KCNN2: variants seen among roughly 807,000 people sequenced by gnomAD.
The protein encoded by KCNN2 is potassium calcium-activated channel subfamily N member 2, also known as small conductance calcium-activated potassium channel protein 2.
KCNN2 carries 24 observed loss-of-function variants against 55.5 expected under a neutral mutation model. That is an observed-to-expected ratio of 0.43 (90% confidence interval 0.31 to 0.61). The LOEUF (loss-of-function observed/expected upper bound fraction) is 0.61, where lower values mean the gene tolerates loss of function less well. KCNN2 is among the 20% of genes least tolerant of loss of function. The pLI is 0.08. For synonymous variants in KCNN2, 431 were observed against 336.1 expected (o/e 1.28, Z -3.09); for missense variants, 754 against 853.6 (o/e 0.88, Z 1.45).
intron 1 of KCNN2, among the ~76,000 whole-genome samples, chr5:114,058,771 G>A (rs1332512294): frequency 6.6e-6 from 1 of 152,176 alleles, no homozygotes; most frequent in Non-Finnish European, 1.5e-5. Flanking sequence ...GTTTTAAGCA[G>A]TGAAGAGATG....
intron 2 of KCNN2, among the ~76,000 whole-genome samples, chr5:114,387,782 T>TCTCTGACA (rs1271242993): frequency 1.3e-5 from 2 of 152,210 alleles, no homozygotes; most frequent in Admixed American, 6.5e-5. Flanking sequence ...GAGACTAGAC[T>TCTCTGACA]CTCTGACATT....
chr5:114,237,282 A>ACT (rs1754519957), intron 2 of KCNN2, among the ~76,000 whole-genome samples: 1 of 150,808 alleles, frequency 6.6e-6, no homozygotes, highest in Admixed American at 6.6e-5. Context: ...ACACACACAC[A>ACT]CACACACACT....
intron 3 of KCNN2, among the ~76,000 whole-genome samples, chr5:114,426,957 A>G (rs1367438662): frequency 3.9e-5 from 6 of 152,224 alleles, no homozygotes; most frequent in Admixed American, 2.0e-4. Context: ...CACAGCGGAA[A>G]GGAAAGTTTC....
At chr5:114,096,327 A>C (rs1432336484) in intron 1 of KCNN2, among the ~76,000 whole-genome samples, 1 of 152,202 alleles carries the variant, frequency 6.6e-6, no homozygotes, top group Non-Finnish European at 1.5e-5. Flanking sequence ...GAGGTTAAAG[A>C]CAGTTAAAAC....
intron 5 of KCNN2, among the ~76,000 whole-genome samples, chr5:114,474,925 A>G (rs895384050): frequency 2.0e-5 from 3 of 152,138 alleles, no homozygotes; most frequent in Non-Finnish European, 4.4e-5. Context: ...ACAAATAAGA[A>G]AGCCAAGTTA....
chr5:114,095,036 C>G (rs1400211112), intron 1 of KCNN2, among the ~76,000 whole-genome samples: 1 of 152,094 alleles, frequency 6.6e-6, no homozygotes, highest in Non-Finnish European at 1.5e-5. Flanking sequence ...TGCATGAGGC[C>G]TGATTCCAGC....
chr5:114,352,204 T>C (rs1172109808), intron 2 of KCNN2, among the ~76,000 whole-genome samples: 1 of 151,780 alleles, frequency 6.6e-6, no homozygotes, highest in Admixed American at 6.6e-5. Context: ...TTTGTTGGCA[T>C]ATACTTGTTT....
rs770905252 is a variant in KCNN2, at chr5:114,335,996, C to G, written c.-184-24949C>G. 5.3e-5 allele frequency among the ~76,000 whole-genome samples: 8 copies of G among 152,264 alleles called. No individual in the cohort carries two copies. The East Asian group carries it at 1.5e-3, about 29-fold the overall frequency. ...TTATATTCCTAATATTACTGTCAAG[C>G]TACTCCCTGAAAAACTAAATGATGA... On this transcript the variant is annotated intron_variant, in intron 2 of 10. Coordinates refer to the KCNN2 transcript ENST00000512097.
At chr5:114,312,416 CACACACACACACACACACATATATATAT>C (rs1474930997) in intron 2 of KCNN2, among the ~76,000 whole-genome samples, 24 of 77,206 alleles carry the variant, frequency 3.1e-4, no homozygotes, top group East Asian at 1.1e-3. Flanking sequence ...CACACACACA[CACACACACACACACACACATATATATAT>C]ATATATATAT....
At chr5:114,304,082 A>T (rs1170730568) in intron 2 of KCNN2, among the ~76,000 whole-genome samples, 1 of 152,184 alleles carries the variant, frequency 6.6e-6, no homozygotes, top group Non-Finnish European at 1.5e-5. Context: ...TAGAAAATAG[A>T]GTTAGACTAA....
At chr5:114,159,762 T>G (rs1249343143) in intron 1 of KCNN2, among the ~76,000 whole-genome samples, 5 of 152,224 alleles carry the variant, frequency 3.3e-5, no homozygotes, top group Non-Finnish European at 7.3e-5. Flanking sequence ...ATTTATCCAT[T>G]TCTTCTAGAT....
chr5:114,185,077 A>G (rs953248215), intron 1 of KCNN2, among the ~76,000 whole-genome samples: 1 of 152,172 alleles, frequency 6.6e-6, no homozygotes, highest in Non-Finnish European at 1.5e-5. Flanking sequence ...GTTGTTGATG[A>G]ATAGTGGAGC....
intron 2 of KCNN2, among the ~76,000 whole-genome samples, chr5:114,294,403 C>T (rs541802317): frequency 0.034 from 5,210 of 151,950 alleles, 289 homozygotes; most frequent in African/African-American, 0.12. Flanking sequence ...TCTTTGTTCT[C>T]GTTGGTTTCA....
intron 2 of KCNN2, among the ~76,000 whole-genome samples, chr5:114,352,277 A>C (rs1757218474): frequency 6.6e-6 from 1 of 151,434 alleles, no homozygotes; most frequent in African/African-American, 2.4e-5. Context: ...TCTATTTATT[A>C]CCAGATTTTA....
rs989841473 is a variant in KCNN2 at position 114,164,102 on chromosome 5, T to C, written c.-270-57378T>C. On this transcript the variant is annotated intron_variant, in intron 1 of 10. Transcript: ENST00000512097. Reference sequence around the variant, plus strand: ...ATTGTGCTATGTCTTACAAGAAGGATTACAAAAGTATTCAAAAAGTATTAC... The same window carrying C: ...ATTGTGCTATGTCTTACAAGAAGGACTACAAAAGTATTCAAAAAGTATTAC... Among the ~76,000 whole-genome samples, 61 of 152,294 alleles carry C rather than the reference T, an allele frequency of 4.0e-4. No individual in the cohort carries two copies. The Middle Eastern group carries it at 0.01, about 25-fold the overall frequency.
At chr5:114,334,271 TGTGTGTG>T (rs1756878334) in intron 2 of KCNN2, among the ~76,000 whole-genome samples, 1 of 62,790 alleles carries the variant, frequency 1.6e-5, no homozygotes, top group African/African-American at 4.7e-5. Flanking sequence ...TGTGTGTGTG[TGTGTGTG>T]TGTGTGTGTG....
At chr5:114,401,666 A>G (rs948176798) in intron 2 of KCNN2, among the ~76,000 whole-genome samples, 1 of 152,196 alleles carries the variant, frequency 6.6e-6, no homozygotes, top group Non-Finnish European at 1.5e-5. Flanking sequence ...CATCTACTAC[A>G]TGCTAGAGGA....
chr5:114,116,657 A>C (rs1403274444), intron 1 of KCNN2, among the ~76,000 whole-genome samples: 3 of 152,178 alleles, frequency 2.0e-5, no homozygotes, highest in Non-Finnish European at 4.4e-5. Context: ...TTTCTGGCAC[A>C]CTTTGAAGGG....
At chr5:114,092,360 G>T (rs1215736049) in intron 1 of KCNN2, among the ~76,000 whole-genome samples, 1 of 152,168 alleles carries the variant, frequency 6.6e-6, no homozygotes, top group Non-Finnish European at 1.5e-5. Context: ...GGGCAGCTCA[G>T]CCCCTGTGGC....
Sources: allele counts gnomAD v4.1 joint callset (sites outside exome capture counted in the v4.1 genomes callset), GRCh38; gene constraint gnomAD v4.1.1; transcripts MANE v1.5; gene names NCBI Gene and HGNC (gene_info 2026-07-23, HGNC 2026-07-21).